Variants in RUFY3 observed in about 807,000 individuals in gnomAD.
RUFY3 encodes the protein protein RUFY3.
RUFY3 carries 34 observed loss-of-function variants against 84.0 expected under a neutral mutation model. The observed-to-expected ratio is 0.40, with a 90% CI of 0.31 to 0.54. The LOEUF (loss-of-function observed/expected upper bound fraction) is 0.54. Ranked by LOEUF, RUFY3 falls within the 20% of genes least tolerant of loss-of-function variation. The pLI, the probability that RUFY3 is intolerant of heterozygous loss-of-function variation, is 0.39. For synonymous variants in RUFY3, 242 were observed against 252.9 expected (o/e 0.96, Z 0.41); for missense variants, 507 against 736.8 (o/e 0.69, Z 3.61).
At chr4:70,740,679 A>G (rs1721193419) in intron 1 of RUFY3, among the ~76,000 whole-genome samples, 1 of 152,222 alleles carries the variant, frequency 6.6e-6, no homozygotes, top group African/African-American at 2.4e-5. Flanking sequence ...GTGGCACATT[A>G]TATTGTCAAA....
In RUFY3 at chr4:70,764,463, G is replaced by C. The variant is rs753206219; in HGVS notation, c.471-12G>C. 2.5e-6 allele frequency: 4 copies of C among 1,580,778 alleles called. No individual in the cohort carries two copies. The highest frequency in any genetic ancestry group is 2.2e-5 in the South Asian group (2 of 89,426). On this transcript the variant is annotated splice_polypyrimidine_tract_variant and intron_variant, in intron 3 of 17. Coordinates refer to ENST00000381006, the MANE Select transcript of RUFY3 (RefSeq NM_001037442.4). ...TTATGTTTTCAGTTGTTTGATTTCT[G>C]TGTTTTTGTAGGACACCAGTAGGTA...
chr4:70,806,975 T>A lies in RUFY3; in HGVS notation c.*316T>A. ...TATGATTAGTGATACTGGGGTGGATTTAATAGGAGAGAGAATCCAGGCAGA... is the reference window on the plus strand; with the variant it reads ...TATGATTAGTGATACTGGGGTGGATATAATAGGAGAGAGAATCCAGGCAGA... On this transcript the variant is annotated 3_prime_UTR_variant, in exon 18 of 18. Transcript: ENST00000381006. 5.1e-6 allele frequency: 1 copy of A among 195,230 alleles called. No individual in the cohort carries two copies. The highest frequency in any genetic ancestry group is 1.0e-5 in the Non-Finnish European group (1 of 96,208). The allele number at this position is 195,230 out of a possible 1,614,324, so 12.1% of individuals were successfully genotyped here. A position where few individuals can be genotyped will look rare whatever the true frequency, so the allele number is the denominator to read the frequency against.
chr4:70,799,957 G>T (rs1732016474), intron 14 of RUFY3, 184 bp from the exon 15 acceptor site: 2 of 518,572 alleles, frequency 3.9e-6, no homozygotes, highest in South Asian at 6.3e-5. Flanking sequence ...CAAACTGTCA[G>T]AATAATTAAG....
chr4:70,704,921 G>C (rs1032881711), exon 1 of RUFY3: 2 of 1,210,172 alleles, frequency 1.7e-6, no homozygotes, highest in Non-Finnish European at 2.1e-6. Context: ...AGGCTGCGGC[G>C]AAGGAAGGAG....
chr4:70,715,421 TA>T (rs1011932221), intron 1 of RUFY3, among the ~76,000 whole-genome samples: 2 of 151,354 alleles, frequency 1.3e-5, no homozygotes, highest in African/African-American at 4.9e-5. Context: ...CTGTCTCTAC[TA>T]AAAAAACAAA....
chr4:70,737,676 C>CT (rs57075760), intron 1 of RUFY3, among the ~76,000 whole-genome samples: 2,464 of 134,414 alleles, frequency 0.018, 67 homozygotes, highest in African/African-American at 0.05. Flanking sequence ...ATTAATTCCT[C>CT]TTTTTTTTTT....
intron 1 of RUFY3, among the ~76,000 whole-genome samples, chr4:70,728,477 G>A (rs1040773500): frequency 1.3e-5 from 2 of 152,184 alleles, no homozygotes; most frequent in African/African-American, 2.4e-5. Context: ...TTGAAATATC[G>A]GAAGTTGAAC....
At chr4:70,791,839 T>G (rs1339541906) in intron 12 of RUFY3, 2 of 985,634 alleles carry the variant, frequency 2.0e-6, no homozygotes, top group Non-Finnish European at 2.4e-6. Context: ...AGGATAGTAC[T>G]TAGTATTTCA....
chr4:70,732,738 C>A (rs1001727372), intron 1 of RUFY3, among the ~76,000 whole-genome samples: 5 of 148,546 alleles, frequency 3.4e-5, no homozygotes, highest in African/African-American at 1.3e-4. Context: ...AAGGGAACAT[C>A]ACACACTGGG....
exon 1 of RUFY3, chr4:70,705,289 A>G: frequency 3.5e-6 from 5 of 1,409,322 alleles, no homozygotes; most frequent in Middle Eastern, 2.5e-4. Context: ...GGCAGCGGCA[A>G]GCACCGTGAG....
rs1733029566 is a variant in RUFY3 at position 70,808,336 on chromosome 4, T to C, written c.*1677T>C. ...CTTTGGGGGAAAAGAGGGAAGTGTA[T>C]TGAGCAAGAGAAGGCAAAAAACATT... On this transcript the variant is annotated 3_prime_UTR_variant, in exon 18 of 18. Transcript: ENST00000381006. Among the ~76,000 whole-genome samples, 1 of 152,182 alleles carries C rather than the reference T, an allele frequency of 6.6e-6. No individual in the cohort carries two copies. Among genetic ancestry groups the C allele is most frequent in the Non-Finnish European group, 1.5e-5 (1 of 68,020 alleles).
At chr4:70,785,728 T>A (rs1199730487) in intron 10 of RUFY3, among the ~76,000 whole-genome samples, 1 of 151,606 alleles carries the variant, frequency 6.6e-6, no homozygotes, top group Non-Finnish European at 1.5e-5. Flanking sequence ...TCCCAGCTAC[T>A]TGGGAGGCTG....
At chr4:70,764,368 G>T (rs1340957457) in intron 3 of RUFY3, 107 bp from the exon 4 acceptor site, 3 of 766,332 alleles carry the variant, frequency 3.9e-6, no homozygotes, top group Non-Finnish European at 4.4e-6. Flanking sequence ...ACCTCAGTGT[G>T]CTTGTTACAC....
chr4:70,789,387 T>A, intron 11 of RUFY3, 108 bp from the exon 12 acceptor site: 1 of 1,076,450 alleles, frequency 9.3e-7, no homozygotes, highest in Non-Finnish European at 1.3e-6. Context: ...GATATTGAAA[T>A]ATATGAACAT....
At chr4:70,785,253 ACTC>A (rs1220367362) in intron 10 of RUFY3, among the ~76,000 whole-genome samples, 1 of 151,802 alleles carries the variant, frequency 6.6e-6, no homozygotes, top group African/African-American at 2.4e-5. Flanking sequence ...ATGTAGGATT[ACTC>A]TATTTTATTT....
At chr4:70,768,420 GA>G in intron 4 of RUFY3, 117 bp from the exon 5 acceptor site, 1 of 775,332 alleles carries the variant, frequency 1.3e-6, no homozygotes, top group Non-Finnish European at 1.9e-6. Flanking sequence ...TATTTTTGTA[GA>G]TGGCTATAAT....
intron 5 of RUFY3, among the ~76,000 whole-genome samples, chr4:70,771,567 T>C (rs1454710577): frequency 1.3e-5 from 2 of 152,238 alleles, no homozygotes; most frequent in African/African-American, 4.8e-5. Context: ...AAAGTCTCAC[T>C]GTCATCCAGG....
chr4:70,735,757 C>T (rs1347818490), intron 1 of RUFY3, among the ~76,000 whole-genome samples: 1 of 151,912 alleles, frequency 6.6e-6, no homozygotes, highest in Admixed American at 6.6e-5. Context: ...GAGGTCGAGG[C>T]GGGTGGATCA....
chr4:70,744,665 T>G (rs1207676982), intron 1 of RUFY3, among the ~76,000 whole-genome samples: 4 of 150,556 alleles, frequency 2.7e-5, no homozygotes, highest in Admixed American at 6.6e-5. Flanking sequence ...TTTTTTTTTT[T>G]TTTTTTGAGA....
Sources: allele counts gnomAD v4.1 joint callset (sites outside exome capture counted in the v4.1 genomes callset), GRCh38; gene constraint gnomAD v4.1.1; transcripts MANE v1.5; gene names NCBI Gene and HGNC (gene_info 2026-07-23, HGNC 2026-07-21).